ANO10: variants seen among roughly 807,000 people sequenced by gnomAD.
The protein encoded by ANO10 is anoctamin 10.
In ANO10, 77 loss-of-function variants were observed where a neutral mutation model predicts 74.7. The observed-to-expected ratio is 1.03, with a 90% CI of 0.86 to 1.25. The LOEUF is 1.25. ANO10 is among the 50% of genes most tolerant of loss of function. ANO10 has a pLI of 0.00. For synonymous variants in ANO10, 279 were observed against 284.9 expected (o/e 0.98, Z 0.21); for missense variants, 721 against 778.1 (o/e 0.93, Z 0.87).
chr3:43,639,109 A>C (rs2083644541), intron 1 of ANO10: 1 of 152,352 alleles, frequency 6.6e-6, no homozygotes, highest in South Asian at 2.1e-4. Flanking sequence ...TCAGAGAGAG[A>C]GAGCGAGCAA....
At chr3:43,667,558 C>T (rs578078250) in intron 1 of ANO10, among the ~76,000 whole-genome samples, 12 of 151,974 alleles carry the variant, frequency 7.9e-5, no homozygotes, top group African/African-American at 1.4e-4. Context: ...TACACTGTAC[C>T]CAATATGTAG....
rs536894298 is a variant in ANO10, at chr3:43,502,681, A to G, written c.1797+47039T>C. 5.3e-5 allele frequency among the ~76,000 whole-genome samples: 8 copies of G among 152,362 alleles called. No individual in the cohort carries two copies. The South Asian group carries it at 1.7e-3, about 32-fold the overall frequency. On this transcript the variant is annotated intron_variant, in intron 11 of 12. Transcript: ENST00000292246. ...AAAGCAACAGCTAAAAAGTGGATGC[A>G]TCACAAGTGTTCACCAACAGATGAA... is the stretch of plus-strand genomic sequence containing the variant.
intron 11 of ANO10, among the ~76,000 whole-genome samples, chr3:43,448,265 C>T (rs998742742): frequency 9.2e-5 from 14 of 152,170 alleles, no homozygotes; most frequent in Admixed American, 6.5e-4. Context: ...CATGTATCCA[C>T]CATTACAGTA....
intron 8 of ANO10, 117 bp downstream of exon 8, chr3:43,565,536 T>C (rs2080269178): frequency 2.2e-6 from 2 of 906,566 alleles, no homozygotes; most frequent in Non-Finnish European, 3.4e-6. Flanking sequence ...CTTAAAAACA[T>C]ACAAAATTTA....
chr3:43,420,576 T>A (rs919719771), intron 12 of ANO10, among the ~76,000 whole-genome samples: 1 of 152,192 alleles, frequency 6.6e-6, no homozygotes, highest in African/African-American at 2.4e-5. Context: ...AAATTTCCTA[T>A]TTTAGCAGTT....
chr3:43,552,318 G>A (rs1277094592), intron 10 of ANO10, among the ~76,000 whole-genome samples: 2 of 152,054 alleles, frequency 1.3e-5, no homozygotes, highest in East Asian at 3.9e-4. Flanking sequence ...ACTTTGGAAG[G>A]CCAAGGTGGT....
At chr3:43,596,642 C>T (rs75465259) in intron 4 of ANO10, among the ~76,000 whole-genome samples, 3,601 of 152,154 alleles carry the variant, frequency 0.024, 143 homozygotes, top group African/African-American at 0.081. Context: ...AATGTCAGAC[C>T]GAAAACCATT....
intron 11 of ANO10, among the ~76,000 whole-genome samples, chr3:43,523,904 C>G (rs956852153): frequency 7.9e-5 from 12 of 151,470 alleles, no homozygotes; most frequent in East Asian, 7.8e-4. Context: ...TGAGCTCATC[C>G]AGAGACTAGA....
At chr3:43,665,559 T>C (rs962321926) in intron 1 of ANO10, among the ~76,000 whole-genome samples, 4 of 152,138 alleles carry the variant, frequency 2.6e-5, no homozygotes, top group Admixed American at 2.0e-4. Flanking sequence ...TCATCTAGCA[T>C]TGGTGATCTT....
chr3:43,427,410 G>T (rs761275773), intron 12 of ANO10, among the ~76,000 whole-genome samples: 1 of 152,088 alleles, frequency 6.6e-6, no homozygotes, highest in Non-Finnish European at 1.5e-5. Flanking sequence ...TTTCACAAGG[G>T]TTTACATGTA....
intron 1 of ANO10, among the ~76,000 whole-genome samples, chr3:43,666,059 T>C (rs2083988503): frequency 6.6e-6 from 1 of 152,192 alleles, no homozygotes; most frequent in Non-Finnish European, 1.5e-5. Context: ...AAGGAACATT[T>C]AAATTTAAAA....
chr3:43,673,763 T>C (rs1172248678), intron 1 of ANO10, among the ~76,000 whole-genome samples: 1 of 152,154 alleles, frequency 6.6e-6, no homozygotes, highest in African/African-American at 2.4e-5. Flanking sequence ...AAGAACACTA[T>C]TAAAATTCTC....
At chr3:43,456,776 G>A (rs369833926) in intron 11 of ANO10, among the ~76,000 whole-genome samples, 1 of 152,214 alleles carries the variant, frequency 6.6e-6, no homozygotes, top group African/African-American at 2.4e-5. Flanking sequence ...AGGTGTCTGC[G>A]ACATGAAGCA....
intron 4 of ANO10, among the ~76,000 whole-genome samples, chr3:43,594,969 A>G (rs1302137527): frequency 1.3e-5 from 2 of 152,348 alleles, no homozygotes; most frequent in East Asian, 3.9e-4. Context: ...TTACCATCAG[A>G]GAATACTATG....
At chr3:43,532,551 A>G (rs1163549063) in intron 11 of ANO10, among the ~76,000 whole-genome samples, 1 of 152,196 alleles carries the variant, frequency 6.6e-6, no homozygotes, top group African/African-American at 2.4e-5. Flanking sequence ...AAAATTCTCA[A>G]AACAAAATTA....
At chr3:43,625,523 G>A (rs1330687736), upstream of ANO10, among the ~76,000 whole-genome samples, 3 of 152,052 alleles carry the variant, frequency 2.0e-5, no homozygotes, top group African/African-American at 4.8e-5. Context: ...GGGCAGCAGT[G>A]GACTTACTCT....
chr3:43,558,757 G>A (rs1235526490), intron 9 of ANO10, among the ~76,000 whole-genome samples: 1 of 152,154 alleles, frequency 6.6e-6, no homozygotes, highest in Non-Finnish European at 1.5e-5. Flanking sequence ...CAATCATCTA[G>A]AATAAATGTG....
chr3:43,671,934 C>T (rs983882808), intron 1 of ANO10, among the ~76,000 whole-genome samples: 4 of 152,184 alleles, frequency 2.6e-5, no homozygotes, highest in Non-Finnish European at 4.4e-5. Flanking sequence ...CTATTACATA[C>T]ATTCATCAGC....
At chr3:43,401,407 C>CG (rs147932924) in intron 12 of ANO10, among the ~76,000 whole-genome samples, 14,552 of 151,954 alleles carry the variant, frequency 0.096, 941 homozygotes, top group Non-Finnish European at 0.14. Context: ...TTTTAAAAGG[C>CG]GGGGGGGAAA....
Sources: gnomAD v4.1 joint callset for allele counts (sites outside exome capture counted in the v4.1 genomes callset) on GRCh38, gnomAD v4.1.1 for gene constraint, MANE v1.5 for transcripts, NCBI Gene and HGNC (gene_info 2026-07-23, HGNC 2026-07-21) for gene names.